Variants in KANSL1 observed in about 807,000 individuals in gnomAD.
KANSL1 encodes the protein MLL1/MLL complex subunit KANSL1.
Under a neutral mutation model 103.6 loss-of-function variants are expected in KANSL1, and 22 were observed. The observed-to-expected ratio is 0.21, with a 90% CI of 0.15 to 0.30. KANSL1 has a LOEUF of 0.30. KANSL1 is among the 10% of genes least tolerant of loss of function. The probability of loss-of-function intolerance (pLI) is 1.00; values close to 1 mark genes in which losing one functional copy is unlikely to be tolerated. For missense variants in KANSL1, 1,337 were observed against 1,399.8 expected (o/e 0.96, Z 0.72); for synonymous variants, 600 against 527.6 (o/e 1.14, Z -1.88).
At chr17:46,136,281 G>A (rs900655953) in intron 2 of KANSL1, among the ~76,000 whole-genome samples, 5 of 152,194 alleles carry the variant, frequency 3.3e-5, no homozygotes, top group East Asian at 1.9e-4. Flanking sequence ...ATAGGTTGAT[G>A]TACCTTCCTT....
chr17:46,136,042 T>G (rs1337816898), intron 2 of KANSL1, among the ~76,000 whole-genome samples: 4 of 152,092 alleles, frequency 2.6e-5, no homozygotes, highest in Non-Finnish European at 5.9e-5. Flanking sequence ...TACACTAGTT[T>G]AAAAAAATCA....
At chr17:46,105,299 T>G (rs535568617) in intron 2 of KANSL1, among the ~76,000 whole-genome samples, 1 of 152,228 alleles carries the variant, frequency 6.6e-6, no homozygotes. Flanking sequence ...AAATTCTGTA[T>G]GTGATACTAA....
intron 2 of KANSL1, among the ~76,000 whole-genome samples, chr17:46,155,474 C>T (rs904407740): frequency 6.6e-6 from 1 of 152,080 alleles, no homozygotes; most frequent in Non-Finnish European, 1.5e-5. Context: ...ATTATTTTGA[C>T]CTTACCCCAA....
chr17:46,160,716 A>T (rs999936590), intron 2 of KANSL1, among the ~76,000 whole-genome samples: 3 of 152,240 alleles, frequency 2.0e-5, no homozygotes, highest in Non-Finnish European at 4.4e-5. Flanking sequence ...AAAAATACGT[A>T]TTACCAAATT....
At chr17:46,085,400 G>A (rs530879419) in intron 3 of KANSL1, among the ~76,000 whole-genome samples, 8 of 152,272 alleles carry the variant, frequency 5.3e-5, no homozygotes, top group East Asian at 3.9e-4. Flanking sequence ...CCTAAAGCAC[G>A]GTGATTGTAT....
At chr17:46,201,594 G>A (rs1037583765) in intron 1 of KANSL1, among the ~76,000 whole-genome samples, 7 of 152,080 alleles carry the variant, frequency 4.6e-5, no homozygotes, top group Non-Finnish European at 5.9e-5. Context: ...AAAACTGGTC[G>A]GTTGTGGTAG....
At chr17:46,061,963 G>A (rs2078174198) in intron 6 of KANSL1, among the ~76,000 whole-genome samples, 2 of 151,646 alleles carry the variant, frequency 1.3e-5, no homozygotes, top group Admixed American at 1.3e-4. Flanking sequence ...GTCGTCGTGG[G>A]TGCCTGTGAT....
At chr17:46,087,114 T>C (rs1357791909) in intron 3 of KANSL1, among the ~76,000 whole-genome samples, 1 of 152,184 alleles carries the variant, frequency 6.6e-6, no homozygotes, top group Non-Finnish European at 1.5e-5. Flanking sequence ...CCAATGTGCT[T>C]ACAAGATAGG....
At chr17:46,099,049 C>A (rs918049431) in intron 2 of KANSL1, among the ~76,000 whole-genome samples, 13 of 112,750 alleles carry the variant, frequency 1.2e-4, no homozygotes, top group African/African-American at 3.4e-4. Flanking sequence ...AGCGGCCGGG[C>A]GCGGTGGCTC....
chr17:46,030,134 ATTTTTT>A lies in KANSL1; in HGVS notation c.*1336_*1341del, dbSNP rs2076964537. 6 of 148,122 alleles carry A rather than the reference ATTTTTT, an allele frequency of 4.1e-5. No homozygotes were observed. The Admixed American group carries it at 4.1e-4, about 10-fold the overall frequency. The allele number at this position is 148,122 out of a possible 1,614,324, so 9.2% of individuals were successfully genotyped here. On this transcript the variant is annotated 3_prime_UTR_variant, in exon 15 of 15. Transcript: ENST00000432791. ...ACAAAATACAAGGTTTTTTTTTTCC[ATTTTTT>A]GTTTTTGTTTTTTTTTTCAATGCTA... is the stretch of plus-strand genomic sequence containing the variant.
intron 1 of KANSL1, among the ~76,000 whole-genome samples, chr17:46,188,861 T>C (rs2532239): frequency 0.14 from 21,929 of 151,336 alleles, 2,144 homozygotes; most frequent in Non-Finnish European, 0.22. Context: ...CAAAACCCCA[T>C]CTATACTAAA....
chr17:46,065,684 G>A (rs1366432113), intron 6 of KANSL1, among the ~76,000 whole-genome samples: 1 of 152,064 alleles, frequency 6.6e-6, no homozygotes, highest in African/African-American at 2.4e-5. Flanking sequence ...CAAAGATAAT[G>A]CTCTTAATTC....
chr17:46,068,937 T>A (rs146613211), intron 4 of KANSL1, among the ~76,000 whole-genome samples: 1 of 152,136 alleles, frequency 6.6e-6, no homozygotes, highest in Admixed American at 6.5e-5. Flanking sequence ...CCTTACTTTA[T>A]TTTTTTGAGA....
At chr17:46,110,204 A>G (rs1430807010) in intron 2 of KANSL1, among the ~76,000 whole-genome samples, 1 of 152,272 alleles carries the variant, frequency 6.6e-6, no homozygotes, top group Non-Finnish European at 1.5e-5. Flanking sequence ...CTAAAGGCTT[A>G]GATTTTTAAC....
intron 1 of KANSL1, chr17:46,221,925 C>T (rs1399907265): frequency 3.9e-5 from 6 of 152,322 alleles, no homozygotes; most frequent in African/African-American, 1.4e-4. Flanking sequence ...CTTTTATTTT[C>T]CAGCCCACAA....
upstream of KANSL1, among the ~76,000 whole-genome samples, chr17:46,197,124 AAAAG>A (rs1431053118): frequency 1.1e-4 from 16 of 152,162 alleles, no homozygotes; most frequent in African/African-American, 2.4e-4. Context: ...CAAAAAAAGA[AAAAG>A]AAAGGAAGGG....
At chr17:46,096,307 T>TTTTCTTTCTTTCTTTC (rs1200033659) in intron 2 of KANSL1, among the ~76,000 whole-genome samples, 2 of 124,704 alleles carry the variant, frequency 1.6e-5, no homozygotes, top group Non-Finnish European at 3.3e-5. Context: ...CCTGGCTTTT[T>TTTTCTTTCTTTCTTTC]TTTCTTTTTT....
At chr17:46,172,282 ACATG>A in intron 1 of KANSL1, 50 bp from the exon 2 acceptor site, 1 of 895,170 alleles carries the variant, frequency 1.1e-6, no homozygotes, top group Non-Finnish European at 1.6e-6. Context: ...ACTTTTAAAA[ACATG>A]TATATTTTTA....
chr17:46,071,142 A>G (rs908813644), intron 4 of KANSL1, among the ~76,000 whole-genome samples: 2 of 152,176 alleles, frequency 1.3e-5, no homozygotes, highest in African/African-American at 4.8e-5. Context: ...TCTTATAGAA[A>G]CCTGAATCTT....
Sources: gnomAD v4.1 joint callset for allele counts (sites outside exome capture counted in the v4.1 genomes callset) on GRCh38, gnomAD v4.1.1 for gene constraint, MANE v1.5 for transcripts, NCBI Gene and HGNC (gene_info 2026-07-23, HGNC 2026-07-21) for gene names.